Variants in TNK2 observed in about 807,000 individuals in gnomAD.
TNK2 encodes activated CDC42 kinase 1.
A neutral mutation model predicts 101.8 loss-of-function variants in TNK2; 83 were observed. That is an observed-to-expected ratio of 0.82 (90% CI 0.68 to 0.98). TNK2 has a LOEUF of 0.98. Among genes scored for constraint, TNK2 ranks in the 50% least tolerant of loss-of-function variants. The pLI is 0.00. For synonymous variants in TNK2, 804 were observed against 633.0 expected, an observed-to-expected ratio of 1.27 and a Z score of -4.06; for missense variants, 1,665 against 1,483.2, an observed-to-expected ratio of 1.12 and a Z score of -2.01.
intron 9 of TNK2, among the ~76,000 whole-genome samples, chr3:195,877,328 G>C (rs1174541392): frequency 6.6e-6 from 1 of 152,026 alleles, no homozygotes; most frequent in African/African-American, 2.4e-5. Context: ...CGGGGTGTCG[G>C]GGCCACAGCG....
intron 1 of TNK2, among the ~76,000 whole-genome samples, chr3:195,903,285 A>G (rs1577122764): frequency 1.6e-5 from 2 of 123,410 alleles, no homozygotes; most frequent in Non-Finnish European, 3.5e-5. Flanking sequence ...CGTGATCTGC[A>G]CATCTCGGCC....
chr3:195,870,533 G>A (rs1209129447), intron 10 of TNK2: 29 of 603,374 alleles, frequency 4.8e-5, no homozygotes, highest in Non-Finnish European at 7.2e-5. Context: ...AGACACTCCT[G>A]TCCCGCAGGC....
At chr3:195,869,699 C>A (rs1743612158) in intron 11 of TNK2, 158 bp from the exon 12 acceptor site, 1 of 752,386 alleles carries the variant, frequency 1.3e-6, no homozygotes. Context: ...CGGGAGGCCG[C>A]AGGCGGCAGG....
At chr3:195,895,292 T>G in intron 1 of TNK2, 1 of 1,570,440 alleles carries the variant, frequency 6.4e-7, no homozygotes, top group Non-Finnish European at 8.6e-7. Flanking sequence ...AGCAGATCTC[T>G]CCCCCATGGA....
At chr3:195,907,566 C>G (rs1036434843) in intron 1 of TNK2, among the ~76,000 whole-genome samples, 45 of 152,212 alleles carry the variant, frequency 3.0e-4, no homozygotes, top group African/African-American at 1.0e-3. Context: ...GCGAACAGCT[C>G]TAGGAGAGTA....
In TNK2 at chr3:195,884,903, C is replaced by G. The variant is rs55647828; in HGVS notation, c.365G>C (p.Gly122Ala). The part of the protein sequence containing the change: ...GPLQSLTCLI[G>A]EKDLRLLEKL... ...CTCCAGGAGGCGCAGGTCCTTCTCC[C>G]CAATGAGGCAGGTGAGGCTCTGCAG... is the stretch of plus-strand genomic sequence containing the variant. Residue 122 changes from glycine to alanine, a missense_variant, in exon 4 of 16, where the codon GGG (glycine) becomes GCG (alanine). Coordinates refer to ENST00000672887, the MANE Select transcript of TNK2 (RefSeq NM_001382273.1). 650 of 1,614,084 alleles carry G rather than the reference C, an allele frequency of 4.0e-4. 1 individual carries two copies. The highest frequency in any genetic ancestry group is 5.3e-4 in the Non-Finnish European group (631 of 1,180,000).
At chr3:195,892,006 T>C in intron 1 of TNK2, 1 of 1,016,738 alleles carries the variant, frequency 9.8e-7, no homozygotes. Context: ...AACTCCGGGA[T>C]GCTGGTGAGG....
intron 9 of TNK2, chr3:195,876,325 C>A: frequency 2.3e-6 from 1 of 438,098 alleles, no homozygotes; most frequent in South Asian, 1.6e-5. Context: ...AGACTCCGCA[C>A]CAGGAAACAA....
chr3:195,868,156 G>C lies in TNK2; in HGVS notation c.2142C>G (p.Ser714Arg). ...LPPQGGGKPP[S>R]SAQTAEIFQA... is the part of the protein sequence containing the mutation. Reference sequence around the variant, plus strand: ...GGAAGATCTCTGCGGTCTGTGCGGAGCTGGGCGGCTTGCCCCCACCCTGGG... The same window carrying C: ...GGAAGATCTCTGCGGTCTGTGCGGACCTGGGCGGCTTGCCCCCACCCTGGG... Residue 714 changes from serine (S) to arginine (R), a missense_variant, in exon 13 of 16, where the codon AGC (serine) becomes AGG (arginine). This residue lies in a region of TNK2 where 1,136 missense variants were observed against 894.9 expected (regional missense o/e 1.27). Coordinates refer to ENST00000672887, the MANE Select transcript of TNK2 (RefSeq NM_001382273.1). 1.2e-6 allele frequency: 2 copies of C among 1,611,110 alleles called. No individual in the cohort carries two copies. The highest frequency in any genetic ancestry group is 1.1e-5 in the South Asian group (1 of 90,894).
Position 195,868,246 on chromosome 3 carries a change from G to GT in TNK2, c.2051dup (p.Asn684LysfsTer7). 1 of 1,605,496 alleles carries GT rather than the reference G, an allele frequency of 6.2e-7. No individual in the cohort carries two copies. Among genetic ancestry groups the GT allele is most frequent in the Non-Finnish European group, 8.5e-7 (1 of 1,179,552 alleles). On this transcript the variant is annotated frameshift_variant, in exon 13 of 16. Coordinates refer to ENST00000672887, the MANE Select transcript of TNK2 (RefSeq NM_001382273.1). LOFTEE classifies it high-confidence loss of function. ...GCGCCTGCTCAGGCACAAAGGCGTAGTTGGTCTGGCCCTGGCTGGGCCCGG... is the reference window on the plus strand; with the variant it reads ...GCGCCTGCTCAGGCACAAAGGCGTAGTTTGGTCTGGCCCTGGCTGGGCCCGG...
chr3:195,881,711 T>C (rs1309825051), intron 6 of TNK2, among the ~76,000 whole-genome samples: 2 of 120,402 alleles, frequency 1.7e-5, no homozygotes, highest in Non-Finnish European at 3.3e-5. Flanking sequence ...CAATGCCCCT[T>C]GGAGAGGACA....
At chr3:195,873,674 G>A (rs373601815) in intron 9 of TNK2, among the ~76,000 whole-genome samples, 20 of 152,340 alleles carry the variant, frequency 1.3e-4, no homozygotes, top group South Asian at 4.1e-4. Context: ...CAGCCAGGCC[G>A]GGGAGAGAGG....
rs1410935406 is a variant in TNK2 at position 195,868,110 on chromosome 3, T to C, written c.2188A>G (p.Met730Val). Residue 730 changes from methionine to valine, a missense_variant, in exon 13 of 16, where the codon ATG becomes GTG. Transcript: ENST00000672887. The part of the protein sequence containing the change: ...EIFQALQQEC[M>V]RQLQAPAGSP... ...CCGGCCGGAGCCTGCAGTTGCCTCATGCACTCCTGCTGTAGCGCCTGGAAG... is the reference window on the plus strand; with the variant it reads ...CCGGCCGGAGCCTGCAGTTGCCTCACGCACTCCTGCTGTAGCGCCTGGAAG... 5.0e-6 allele frequency: 8 copies of C among 1,611,366 alleles called. No individual in the cohort carries two copies. Among genetic ancestry groups the C allele is most frequent in the Non-Finnish European group, 6.8e-6 (8 of 1,179,416 alleles).
chr3:195,869,443 T>A (rs995783319), intron 12 of TNK2, 54 bp downstream of exon 12: 27 of 1,462,774 alleles, frequency 1.8e-5, no homozygotes, highest in Admixed American at 6.2e-5. Flanking sequence ...AGGAGAGGAG[T>A]GAGAGAGAGG....
chr3:195,896,005 C>T, intron 1 of TNK2: 1 of 380,832 alleles, frequency 2.6e-6, no homozygotes, highest in Non-Finnish European at 5.1e-6. Context: ...GTTCCCCGCG[C>T]GCCACTCCCG....
At chr3:195,877,039 G>A (rs948428089) in intron 9 of TNK2, among the ~76,000 whole-genome samples, 6 of 152,164 alleles carry the variant, frequency 3.9e-5, no homozygotes, top group Non-Finnish European at 8.8e-5. Context: ...GCTGGACTTC[G>A]GGCTGGAGGC....
intron 15 of TNK2, 22 bp downstream of exon 15, chr3:195,866,867 G>A (rs910578722): frequency 1.9e-6 from 3 of 1,606,730 alleles, no homozygotes; most frequent in Non-Finnish European, 2.5e-6. Flanking sequence ...ACGGAGCGGG[G>A]CAGACTGTGG....
At position 195,888,091 on chromosome 3, in the gene TNK2, C is replaced by T. The variant is rs1249143298; in HGVS notation, c.163+335G>A. On this transcript the variant is annotated intron_variant, in intron 2 of 15. Coordinates refer to ENST00000672887, the MANE Select transcript of TNK2 (RefSeq NM_001382273.1). The surrounding 1 kb of genome is among the most constrained non-coding windows in gnomAD (Gnocchi z 5.3). ...CTCCCTACAGATCTCTGCACATGGACCCCCCGGTAGTCAGAATGATGAGAA... is the reference window on the plus strand; with the variant it reads ...CTCCCTACAGATCTCTGCACATGGATCCCCCGGTAGTCAGAATGATGAGAA... 2.0e-5 allele frequency among the ~76,000 whole-genome samples: 3 copies of T among 151,850 alleles called. No individual in the cohort carries two copies. Among genetic ancestry groups the T allele is most frequent in the Admixed American group, 6.6e-5 (1 of 15,246 alleles).
chr3:195,872,727 C>G (rs1297741280), intron 9 of TNK2: 1 of 485,918 alleles, frequency 2.1e-6, no homozygotes, highest in East Asian at 3.6e-5. Context: ...AATAAGGAGG[C>G]ACGCTGGAAG....
Sources: gnomAD v4.1 joint callset for allele counts (sites outside exome capture counted in the v4.1 genomes callset) on GRCh38, gnomAD v4.1.1 for gene constraint, gnomAD v4.1.1 regional missense constraint, Gnocchi (gnomAD v3.1) non-coding constraint, MANE v1.5 for transcripts, NCBI Gene and HGNC (gene_info 2026-07-23, HGNC 2026-07-21) for gene names.